Variants in TTC6 observed in about 807,000 individuals in gnomAD.
TTC6 encodes tetratricopeptide repeat domain 6.
In TTC6, 172 loss-of-function variants were observed where a neutral mutation model predicts 210.4. The observed-to-expected ratio is 0.82, with a 90% confidence interval of 0.72 to 0.93. TTC6 has a LOEUF of 0.93. Ranked by LOEUF, TTC6 falls within the 40% of genes least tolerant of loss-of-function variation. TTC6 has a pLI of 0.00. For synonymous variants in TTC6, 804 were observed against 819.6 expected (o/e 0.98, Z 0.32); for missense variants, 2,414 against 2,318.1 (o/e 1.04, Z -0.85).
In TTC6 at chr14:37,701,532, A is replaced by T; in HGVS notation, c.1571+6A>T. 1 of 1,424,864 alleles carries T rather than the reference A, an allele frequency of 7.0e-7. No individual in the cohort carries two copies. The highest frequency in any genetic ancestry group is 9.1e-7 in the Non-Finnish European group (1 of 1,095,022). 88.3% of individuals were successfully genotyped at this position (1,424,864 alleles called of 1,614,324 possible). Reference sequence around the variant, plus strand: ...GATGAAGAACAAACAGATAGGTAAGAGTTCCACTGGTAATTTGATTTTAAG... The same window carrying T: ...GATGAAGAACAAACAGATAGGTAAGTGTTCCACTGGTAATTTGATTTTAAG... On this transcript the variant is annotated splice_donor_region_variant and intron_variant, in intron 5 of 30. Transcript: ENST00000553443.
intron 27 of TTC6, 148 bp downstream of exon 29, chr14:37,824,105 AGC>A: frequency 1.3e-6 from 1 of 785,390 alleles, no homozygotes; most frequent in Non-Finnish European, 2.0e-6. Flanking sequence ...TAGCAGTGGG[AGC>A]AGGGGTTTAG....
At chr14:37,719,788 G>A (rs776585018) in intron 6 of TTC6, among the ~76,000 whole-genome samples, 20 of 151,814 alleles carry the variant, frequency 1.3e-4, no homozygotes, top group Non-Finnish European at 2.2e-4. Flanking sequence ...TTAGGGCTAG[G>A]GAAAGCATTC....
Position 37,714,572 on chromosome 14 carries a change from A to G in TTC6, c.1572-83A>G. 2.8e-6 allele frequency: 3 copies of G among 1,084,622 alleles called. No homozygotes were observed. In the South Asian group the frequency reaches 5.6e-5, roughly 20 times the overall value. The allele number at this position is 1,084,622 out of a possible 1,614,324, so 67.2% of individuals were successfully genotyped here. A position where few individuals can be genotyped will look rare whatever the true frequency, so the allele number is the denominator to read the frequency against. On this transcript the variant is annotated intron_variant, in intron 5 of 30. Transcript: ENST00000553443. ...TGTCAAATGTCCATGTGTTTATTTC[A>G]GTGGAGTTATGAAATGAGGGCAAAC...
intron 2 of TTC6, among the ~76,000 whole-genome samples, chr14:37,615,611 T>C (rs2095641496): frequency 6.6e-6 from 1 of 152,138 alleles, no homozygotes; most frequent in African/African-American, 2.4e-5. Context: ...TATTTTTATT[T>C]TTTTAATTTC....
chr14:37,742,196 C>T (rs1158459657), intron 10 of TTC6, among the ~76,000 whole-genome samples: 1 of 152,168 alleles, frequency 6.6e-6, no homozygotes, highest in Non-Finnish European at 1.5e-5. Flanking sequence ...AATGCATCTT[C>T]TTGTGCCCCT....
At chr14:37,800,221 G>A (rs2096103168) in intron 20 of TTC6, among the ~76,000 whole-genome samples, 2 of 152,096 alleles carry the variant, frequency 1.3e-5, no homozygotes, top group African/African-American at 4.8e-5. Context: ...AGGCAAATGA[G>A]CAACATGTTA....
At chr14:37,679,213 C>G (rs970888245) in intron 1 of TTC6, among the ~76,000 whole-genome samples, 3 of 151,770 alleles carry the variant, frequency 2.0e-5, no homozygotes, top group African/African-American at 7.3e-5. Context: ...CAGAGCAAGT[C>G]TCTGTTTCAA....
intron 2 of TTC6, among the ~76,000 whole-genome samples, chr14:37,613,588 A>G (rs2095638028): frequency 6.6e-6 from 1 of 152,086 alleles, no homozygotes. Flanking sequence ...TACTTGAGAA[A>G]ACCATCCAGG....
chr14:37,749,763 T>C, exon 12 of TTC6: 3 of 1,461,592 alleles, frequency 2.1e-6, no homozygotes, highest in African/African-American at 2.8e-5. Flanking sequence ...CATCGACATT[T>C]AATTTATCTT....
chr14:37,823,937 A>G (rs2096164237), exon 27 of TTC6: 1 of 1,613,700 alleles, frequency 6.2e-7, no homozygotes, highest in Admixed American at 1.7e-5. Flanking sequence ...AGCCAGAATT[A>G]GTTTTGGCTA....
At chr14:37,695,290 A>G (rs984695606) in intron 3 of TTC6, among the ~76,000 whole-genome samples, 9 of 152,100 alleles carry the variant, frequency 5.9e-5, no homozygotes, top group Non-Finnish European at 8.8e-5. Context: ...GGTACAAAAG[A>G]TAGAATTAAT....
intron 14 of TTC6, among the ~76,000 whole-genome samples, chr14:37,786,031 C>A (rs2096066745): frequency 6.6e-6 from 1 of 152,152 alleles, no homozygotes; most frequent in South Asian, 2.1e-4. Flanking sequence ...CGTCTGTTGG[C>A]CCCTAGTGGG....
chr14:37,814,952 C>T (rs1312319001), intron 25 of TTC6, among the ~76,000 whole-genome samples: 8 of 152,106 alleles, frequency 5.3e-5, no homozygotes, highest in African/African-American at 1.9e-4. Context: ...GTATGCCCTT[C>T]ATAGGGACAC....
At chr14:37,635,145 A>G (rs2095677692) in intron 1 of TTC6, among the ~76,000 whole-genome samples, 1 of 152,196 alleles carries the variant, frequency 6.6e-6, no homozygotes, top group Admixed American at 6.6e-5. Flanking sequence ...TGTGGCTCTA[A>G]ATGCTGGTAG....
At chr14:37,654,268 A>C (rs937049125) in intron 1 of TTC6, among the ~76,000 whole-genome samples, 1 of 152,178 alleles carries the variant, frequency 6.6e-6, no homozygotes, top group African/African-American at 2.4e-5. Flanking sequence ...AAAAGTGAGC[A>C]GTTTGTAACT....
At chr14:37,737,632 G>A in intron 8 of TTC6, 28 bp from the exon 11 acceptor site, 1 of 1,300,024 alleles carries the variant, frequency 7.7e-7, no homozygotes, top group South Asian at 1.4e-5. Context: ...TGTGACTAAT[G>A]TATATTTTTC....
intron 20 of TTC6, among the ~76,000 whole-genome samples, chr14:37,800,931 C>T (rs2096105127): frequency 6.6e-6 from 1 of 152,046 alleles, no homozygotes. Context: ...CACGTACAAC[C>T]TTTCATAAAA....
At chr14:37,603,053 A>G (rs1418518181) in intron 1 of TTC6, among the ~76,000 whole-genome samples, 1 of 152,178 alleles carries the variant, frequency 6.6e-6, no homozygotes, top group Non-Finnish European at 1.5e-5. Context: ...GGAGCTTCAC[A>G]AATTCCTGCA....
intron 14 of TTC6, among the ~76,000 whole-genome samples, chr14:37,783,609 A>G (rs8021469): frequency 1 from 152,227 of 152,274 alleles, 76,090 homozygotes; most frequent in Middle Eastern, 1. Flanking sequence ...TTTTTGAAGG[A>G]TTTTTTGTGT....
Sources: allele counts gnomAD v4.1 joint callset (sites outside exome capture counted in the v4.1 genomes callset), GRCh38; gene constraint gnomAD v4.1.1; transcripts MANE v1.5; gene names NCBI Gene and HGNC (gene_info 2026-07-23, HGNC 2026-07-21).